The following EML4 variants were observed in gnomAD, a reference collection of about 807,000 sequenced individuals.
EML4 encodes echinoderm microtubule-associated protein-like 4.
A neutral mutation model predicts 129.0 loss-of-function variants in EML4; 72 were observed. The observed-to-expected ratio is 0.56, with a 90% CI of 0.46 to 0.68. The LOEUF (loss-of-function observed/expected upper bound fraction) is 0.68, where lower values mean the gene tolerates loss of function less well. EML4 is among the 30% of genes least tolerant of loss of function. EML4 has a pLI of 0.00. For synonymous variants in EML4, 532 were observed against 405.0 expected (o/e 1.31, Z -3.77); for missense variants, 1,363 against 1,190.6 (o/e 1.14, Z -2.13).
At chr2:42,186,068 C>G in intron 1 of EML4, among the ~76,000 whole-genome samples, 1 of 152,078 alleles carries the variant, frequency 6.6e-6, no homozygotes, top group East Asian at 1.9e-4. Context: ...AGTGGGATAA[C>G]TGGAGTTTGA....
At chr2:42,192,143 G>C (rs1671622570) in intron 1 of EML4, among the ~76,000 whole-genome samples, 1 of 148,074 alleles carries the variant, frequency 6.8e-6, no homozygotes, top group Non-Finnish European at 1.5e-5. Context: ...AAAATCCCTA[G>C]TTTTGAATGT....
chr2:42,272,930 A>G (rs961249377), intron 6 of EML4, among the ~76,000 whole-genome samples: 1 of 152,196 alleles, frequency 6.6e-6, no homozygotes, highest in Non-Finnish European at 1.5e-5. Flanking sequence ...TTAAGAAATA[A>G]CATTATAGTT....
chr2:42,170,410 G>A (rs1371119496), intron 1 of EML4: 1 of 152,238 alleles, frequency 6.6e-6, no homozygotes, highest in Non-Finnish European at 1.5e-5. Context: ...CAATAGGAAA[G>A]GGGGCCTCTA....
At chr2:42,184,057 G>A (rs1006245194) in intron 1 of EML4, among the ~76,000 whole-genome samples, 1 of 152,132 alleles carries the variant, frequency 6.6e-6, no homozygotes, top group African/African-American at 2.4e-5. Context: ...GTGTTGTTTA[G>A]TAGTAGCACC....
chr2:42,318,947 C>G (rs1479700880), intron 19 of EML4, among the ~76,000 whole-genome samples: 1 of 152,038 alleles, frequency 6.6e-6, no homozygotes, highest in Non-Finnish European at 1.5e-5. Context: ...CTCAAGCAGT[C>G]CTCCCACCTC....
At chr2:42,216,457 G>A (rs1364883680) in intron 1 of EML4, among the ~76,000 whole-genome samples, 2 of 151,202 alleles carry the variant, frequency 1.3e-5, no homozygotes, top group Non-Finnish European at 2.9e-5. Context: ...TGGCCAGGCT[G>A]GTCTTGAACT....
In EML4 at chr2:42,262,341, TC is replaced by T. The variant is rs915662282; in HGVS notation, c.513-835del. ...TGGTTTGTAGTTTATCTGCCTGGTC[TC>T]CTGTGGAGTTTTTCTTGGATATAGC... On this transcript the variant is annotated intron_variant, in intron 4 of 22. Coordinates refer to ENST00000318522, the MANE Select transcript of EML4 (RefSeq NM_019063.5). Among the ~76,000 whole-genome samples the T allele has an allele frequency of 9.2e-5, 14 of 152,312 alleles. No homozygotes were observed. The South Asian group carries it at 1.9e-3, about 20-fold the overall frequency.
intron 1 of EML4, among the ~76,000 whole-genome samples, chr2:42,195,255 A>G (rs1001269630): frequency 2.0e-5 from 3 of 152,212 alleles, no homozygotes; most frequent in Admixed American, 6.5e-5. Flanking sequence ...CAGATAAAAC[A>G]TTAGAGCATA....
chr2:42,229,959 C>G (rs1280028836), intron 1 of EML4, among the ~76,000 whole-genome samples: 1 of 151,852 alleles, frequency 6.6e-6, no homozygotes, highest in Non-Finnish European at 1.5e-5. Context: ...GGAAGAAATA[C>G]TAGATGGTGA....
rs1468895642 is a variant in EML4, at chr2:42,288,226, G to A, written c.1123-1G>A. On this transcript the variant is annotated splice_acceptor_variant, in intron 10 of 22. Coordinates refer to ENST00000318522, the MANE Select transcript of EML4 (RefSeq NM_019063.5). LOFTEE classifies it high-confidence loss of function. Reference sequence around the variant, plus strand: ...AATGCCTCTGATTGACTTTTCTTTAGGATTCAGGTGTTCATTTATGTATTA... The same window carrying A: ...AATGCCTCTGATTGACTTTTCTTTAAGATTCAGGTGTTCATTTATGTATTA... The A allele has an allele frequency of 7.5e-7, 1 of 1,341,080 alleles. No individual in the cohort carries two copies. 83.1% of individuals were successfully genotyped at this position (1,341,080 alleles called of 1,614,324 possible).
chr2:42,192,718 T>C (rs1218340578), intron 1 of EML4, among the ~76,000 whole-genome samples: 1 of 152,186 alleles, frequency 6.6e-6, no homozygotes, highest in Non-Finnish European at 1.5e-5. Flanking sequence ...AGGATTTTGC[T>C]AGAATAACTG....
chr2:42,180,646 C>G (rs1409450538), intron 1 of EML4, among the ~76,000 whole-genome samples: 2 of 152,046 alleles, frequency 1.3e-5, no homozygotes, highest in Non-Finnish European at 2.9e-5. Context: ...AAATGGATGC[C>G]CTATCACCCT....
chr2:42,184,063 G>A (rs554447327), intron 1 of EML4, among the ~76,000 whole-genome samples: 1 of 152,284 alleles, frequency 6.6e-6, no homozygotes, highest in South Asian at 2.1e-4. Context: ...TTTAGTAGTA[G>A]CACCTATAAG....
intron 1 of EML4, among the ~76,000 whole-genome samples, chr2:42,235,044 C>T (rs1347352708): frequency 6.6e-6 from 1 of 152,122 alleles, no homozygotes; most frequent in Non-Finnish European, 1.5e-5. Context: ...GCCTGTAATC[C>T]CAGCACTTTG....
At chr2:42,221,126 AAAC>A (rs1179773046) in intron 1 of EML4, among the ~76,000 whole-genome samples, 1 of 152,300 alleles carries the variant, frequency 6.6e-6, no homozygotes, top group Admixed American at 6.5e-5. Flanking sequence ...TGGCTGCACT[AAAC>A]AACAGATTAT....
chr2:42,282,086 C>T (rs569857842), intron 7 of EML4, among the ~76,000 whole-genome samples: 1 of 152,088 alleles, frequency 6.6e-6, no homozygotes, highest in South Asian at 2.1e-4. Context: ...CCTTCTCTCT[C>T]TTTTTCTCTC....
In EML4 at chr2:42,245,450, ATTAC is replaced by A. The variant is rs1243668777; in HGVS notation, c.26-52_26-49del. On this transcript the variant is annotated intron_variant, in intron 1 of 22. Transcript: ENST00000318522. ...TGTGGGATGGTTTTTCTAATCAGAA[ATTAC>A]TTCTCAAGCAGTTTACTTAAAAATA... 1.3e-5 allele frequency: 19 copies of A among 1,464,234 alleles called. No individual in the cohort carries two copies. In the African/African-American group the frequency reaches 2.3e-4, roughly 17 times the overall value. The allele number at this position is 1,464,234 out of a possible 1,614,324, so 90.7% of individuals were successfully genotyped here.
At chr2:42,304,238 C>G (rs1668465183) in intron 16 of EML4, among the ~76,000 whole-genome samples, 1 of 152,090 alleles carries the variant, frequency 6.6e-6, no homozygotes, top group South Asian at 2.1e-4. Flanking sequence ...TTGTTATTAT[C>G]CTTATTATTG....
chr2:42,317,308 C>A, intron 18 of EML4, 119 bp from the exon 19 acceptor site: 3 of 652,670 alleles, frequency 4.6e-6, no homozygotes, highest in East Asian at 2.8e-5. Context: ...AGGATTCATT[C>A]ATTAATTGCC....
Sources: allele counts gnomAD v4.1 joint callset (sites outside exome capture counted in the v4.1 genomes callset), GRCh38; gene constraint gnomAD v4.1.1; transcripts MANE v1.5; gene names NCBI Gene and HGNC (gene_info 2026-07-23, HGNC 2026-07-21).